The following CYRIB variants were observed in gnomAD, a reference collection of about 807,000 sequenced individuals.
CYRIB encodes the protein CYFIP-related Rac1 interactor B.
A neutral mutation model predicts 44.2 loss-of-function variants in CYRIB; 8 were observed. The ratio of observed to expected loss-of-function variants is 0.18; its 90% CI spans 0.11 to 0.33. The LOEUF (loss-of-function observed/expected upper bound fraction) is 0.33. Among genes scored for constraint, CYRIB ranks in the 10% least tolerant of loss-of-function variants. The pLI is 1.00. For synonymous variants in CYRIB, 131 were observed against 127.2 expected (o/e 1.03, Z -0.20); for missense variants, 185 against 382.8 (o/e 0.48, Z 4.31).
At chr8:129,848,824 A>C (rs973459674) in intron 10 of CYRIB, among the ~76,000 whole-genome samples, 1 of 151,150 alleles carries the variant, frequency 6.6e-6, no homozygotes, top group Non-Finnish European at 1.5e-5. Flanking sequence ...CTCCTGCTTC[A>C]GCCTGCCAAA....
intron 1 of CYRIB, among the ~76,000 whole-genome samples, chr8:129,998,519 G>GC (rs1217392787): frequency 6.6e-6 from 1 of 152,198 alleles, no homozygotes; most frequent in Non-Finnish European, 1.5e-5. Flanking sequence ...AACCAGTGGG[G>GC]CCCAGAAAAC....
At chr8:130,011,720 C>A (rs755681606) in intron 1 of CYRIB, among the ~76,000 whole-genome samples, 34 of 151,972 alleles carry the variant, frequency 2.2e-4, no homozygotes, top group Non-Finnish European at 4.3e-4. Flanking sequence ...GTAGTCCCAG[C>A]TACTCGGGAG....
chr8:129,873,495 T>C (rs2133421347), intron 3 of CYRIB, among the ~76,000 whole-genome samples: 1 of 152,108 alleles, frequency 6.6e-6, no homozygotes, highest in Non-Finnish European at 1.5e-5. Flanking sequence ...GAGAAAAATA[T>C]GTTTTACATG....
chr8:129,986,613 G>T (rs187563948), intron 1 of CYRIB, among the ~76,000 whole-genome samples: 7 of 152,250 alleles, frequency 4.6e-5, no homozygotes, highest in Admixed American at 2.6e-4. Context: ...GAGCTAGCAC[G>T]AGCTCTCTCA....
At chr8:129,927,674 T>C (rs2088720723) in intron 1 of CYRIB, among the ~76,000 whole-genome samples, 1 of 152,342 alleles carries the variant, frequency 6.6e-6, no homozygotes, top group Non-Finnish European at 1.5e-5. Flanking sequence ...GATTTTTGCT[T>C]TTTTCTTTTA....
chr8:129,873,147 T>C (rs184427419), intron 3 of CYRIB, among the ~76,000 whole-genome samples: 65 of 152,126 alleles, frequency 4.3e-4, no homozygotes, highest in Admixed American at 3.5e-3. Flanking sequence ...CTTAAGAATG[T>C]GTTTACATAT....
Position 129,955,028 on chromosome 8 carries a change from C to T in CYRIB, c.-243+15915G>A, listed in dbSNP as rs555846932. On this transcript the variant is annotated intron_variant, in intron 2 of 14. Transcript: ENST00000401979. ...CAGCACTCTGAGAAGCTGAGGCAGG[C>T]GGATCACTTGAGTTTAGGAGTTTGA... is the stretch of plus-strand genomic sequence containing the variant. 4.8e-4 allele frequency among the ~76,000 whole-genome samples: 73 copies of T among 152,150 alleles called. No homozygotes were observed. In the South Asian group the frequency reaches 0.01, roughly 22 times the overall value.
At chr8:129,886,947 C>T (rs1253016249) in intron 2 of CYRIB, among the ~76,000 whole-genome samples, 4 of 152,242 alleles carry the variant, frequency 2.6e-5, no homozygotes, top group Admixed American at 2.6e-4. Context: ...ATAAATCATC[C>T]TTTCTCTGCT....
upstream of CYRIB, among the ~76,000 whole-genome samples, chr8:129,944,493 A>G (rs2093995595): frequency 6.6e-6 from 1 of 152,064 alleles, no homozygotes; most frequent in South Asian, 2.1e-4. Context: ...ATGTAAATGC[A>G]CTTGCTTTGC....
At chr8:129,877,661 A>AG (rs1224947979) in intron 3 of CYRIB, among the ~76,000 whole-genome samples, 1 of 41,082 alleles carries the variant, frequency 2.4e-5, no homozygotes, top group African/African-American at 9.4e-5. Context: ...AAAAAAAAAA[A>AG]AGGTGTGTGT....
intron 1 of CYRIB, among the ~76,000 whole-genome samples, chr8:129,982,280 C>T (rs188738471): frequency 5.9e-5 from 9 of 152,336 alleles, no homozygotes; most frequent in Non-Finnish European, 1.2e-4. Context: ...ATAGAACCTT[C>T]TGCCTCGATG....
intron 2 of CYRIB, among the ~76,000 whole-genome samples, chr8:129,962,641 G>A (rs576493608): frequency 3.3e-5 from 5 of 151,838 alleles, no homozygotes; most frequent in African/African-American, 9.7e-5. Context: ...TAATTTAATG[G>A]TATCCTTAAA....
At chr8:129,894,347 GTTTAAAT>G (rs1310902743) in intron 2 of CYRIB, 1 of 152,126 alleles carries the variant, frequency 6.6e-6, no homozygotes, top group African/African-American at 2.4e-5. Flanking sequence ...TCTCACTGAT[GTTTAAAT>G]TTGTATTTTC....
chr8:129,990,119 G>A (rs527598681), intron 1 of CYRIB, among the ~76,000 whole-genome samples: 1 of 152,264 alleles, frequency 6.6e-6, no homozygotes. Context: ...TGAAGGCACA[G>A]TTTTCTTCTC....
chr8:129,936,942 C>T (rs1196850310), intron 1 of CYRIB, among the ~76,000 whole-genome samples: 1 of 151,998 alleles, frequency 6.6e-6, no homozygotes, highest in African/African-American at 2.4e-5. Flanking sequence ...CTCCTGACCT[C>T]GTGATCCGCC....
intron 2 of CYRIB, among the ~76,000 whole-genome samples, chr8:129,964,977 T>C (rs1250294549): frequency 1.3e-5 from 2 of 152,230 alleles, no homozygotes; most frequent in Non-Finnish European, 2.9e-5. Context: ...TCCAGTGTTA[T>C]GGATGTGTGA....
At chr8:129,923,536 A>T (rs1221096656) in intron 1 of CYRIB, among the ~76,000 whole-genome samples, 1 of 152,046 alleles carries the variant, frequency 6.6e-6, no homozygotes, top group Non-Finnish European at 1.5e-5. Context: ...AAGCGTCCCA[A>T]AGTGCTGGGA....
intron 5 of CYRIB, among the ~76,000 whole-genome samples, chr8:129,861,930 C>A (rs2049933543): frequency 6.6e-6 from 1 of 152,132 alleles, no homozygotes; most frequent in South Asian, 2.1e-4. Flanking sequence ...AATCCTCAGG[C>A]CCTTGGTTAG....
At chr8:129,859,760 T>C (rs900538211) in intron 5 of CYRIB, among the ~76,000 whole-genome samples, 8 of 152,346 alleles carry the variant, frequency 5.3e-5, no homozygotes, top group South Asian at 2.1e-4. Flanking sequence ...GAATAAAGAG[T>C]AATTGTACCA....
Sources: gnomAD v4.1 joint callset for allele counts (sites outside exome capture counted in the v4.1 genomes callset) on GRCh38, gnomAD v4.1.1 for gene constraint, MANE v1.5 for transcripts, NCBI Gene and HGNC (gene_info 2026-07-23, HGNC 2026-07-21) for gene names.